Variants in CD226 observed in about 807,000 individuals in gnomAD.
CD226 encodes CD226 antigen.
CD226 carries 24 observed loss-of-function variants against 34.9 expected under a neutral mutation model. The ratio of observed to expected loss-of-function variants is 0.69; its 90% CI spans 0.50 to 0.97. The LOEUF (loss-of-function observed/expected upper bound fraction) is 0.97, where lower values mean the gene tolerates loss of function less well. Among genes scored for constraint, CD226 ranks in the 50% least tolerant of loss-of-function variants. The probability of loss-of-function intolerance (pLI) is 0.00; values close to 1 mark genes in which losing one functional copy is unlikely to be tolerated. For synonymous variants in CD226, 148 were observed against 147.4 expected (o/e 1.00, Z -0.03); for missense variants, 397 against 412.7 (o/e 0.96, Z 0.33).
intron 2 of CD226, among the ~76,000 whole-genome samples, chr18:69,929,561 G>A (rs1370593119): frequency 2.0e-5 from 3 of 152,024 alleles, no homozygotes; most frequent in East Asian, 1.9e-4. Context: ...AACATTCAAC[G>A]GTTATGAATG....
chr18:69,865,169 T>C (rs904962380), intron 5 of CD226, among the ~76,000 whole-genome samples: 10 of 152,126 alleles, frequency 6.6e-5, no homozygotes, highest in Admixed American at 4.6e-4. Flanking sequence ...TTTGTATTTT[T>C]AGTAGAGATG....
chr18:69,938,854 G>C (rs1486462496), intron 2 of CD226, among the ~76,000 whole-genome samples: 2 of 152,224 alleles, frequency 1.3e-5, no homozygotes, highest in Non-Finnish European at 2.9e-5. Context: ...GGAGGCCAAG[G>C]TGGGGTGGAT....
At chr18:69,923,147 A>C (rs2055473217) in intron 2 of CD226, among the ~76,000 whole-genome samples, 1 of 151,832 alleles carries the variant, frequency 6.6e-6, no homozygotes, top group South Asian at 2.1e-4. Context: ...GTCAAAGAAG[A>C]AAGAAAGAAA....
In CD226 at chr18:69,865,164, A is replaced by G. The variant is rs535138456; in HGVS notation, c.886-725T>C. Among the ~76,000 whole-genome samples the G allele has an allele frequency of 1.9e-3, 291 of 152,148 alleles. 1 individual carries two copies. The highest frequency in any genetic ancestry group is 8.2e-4 in the Non-Finnish European group (56 of 68,000). On this transcript the variant is annotated intron_variant, in intron 5 of 5. Coordinates refer to ENST00000582621, the MANE Select transcript of CD226 (RefSeq NM_001303618.2). ...ACCATCACGCCCAGCTAATTTTTGT[A>G]TTTTTAGTAGAGATGGAGTTTCGCC...
rs150542131 is a variant in CD226 at position 69,912,702 on chromosome 18, CTTA to C, written c.383-16660_383-16658del. Among the ~76,000 whole-genome samples the C allele has an allele frequency of 7.2e-5, 11 of 152,298 alleles. No individual in the cohort carries two copies. The East Asian group carries it at 9.6e-4, about 13-fold the overall frequency. On this transcript the variant is annotated intron_variant, in intron 2 of 5. Coordinates refer to ENST00000582621, the MANE Select transcript of CD226 (RefSeq NM_001303618.2). Reference sequence around the variant, plus strand: ...AATAATAACAGCTATAGTTTGAGGACTTATTATCTGCTTGTGACTATATTCAAT... The same window carrying C: ...AATAATAACAGCTATAGTTTGAGGACTTATCTGCTTGTGACTATATTCAAT...
At chr18:69,959,740 A>G (rs1353589067), upstream of CD226, among the ~76,000 whole-genome samples, 11 of 152,236 alleles carry the variant, frequency 7.2e-5, no homozygotes, top group Non-Finnish European at 1.5e-4. Context: ...TGGAAGGTTA[A>G]TGGGGAACCC....
intron 2 of CD226, among the ~76,000 whole-genome samples, chr18:69,908,299 T>C (rs1237879813): frequency 1.3e-5 from 2 of 152,256 alleles, no homozygotes; most frequent in Non-Finnish European, 2.9e-5. Flanking sequence ...TGTTTCTTGT[T>C]ACTCCACCAT....
At chr18:69,930,753 C>T (rs1334257663) in intron 2 of CD226, among the ~76,000 whole-genome samples, 1 of 152,180 alleles carries the variant, frequency 6.6e-6, no homozygotes, top group Non-Finnish European at 1.5e-5. Flanking sequence ...GTTCTAAGCA[C>T]AAATCAGTCC....
At chr18:69,879,988 A>G (rs1452214421) in intron 3 of CD226, among the ~76,000 whole-genome samples, 1 of 152,210 alleles carries the variant, frequency 6.6e-6, no homozygotes, top group Non-Finnish European at 1.5e-5. Flanking sequence ...AGTCATGATC[A>G]TGTCACCATA....
In CD226 at chr18:69,860,653, C is replaced by G. The variant is rs957629459; in HGVS notation, c.*3661G>C. 1 of 152,070 alleles carries G rather than the reference C, an allele frequency of 6.6e-6. No homozygotes were observed. The highest frequency in any genetic ancestry group is 1.9e-4 in the East Asian group (1 of 5,198). 9.4% of individuals were successfully genotyped at this position (152,070 alleles called of 1,614,324 possible). On this transcript the variant is annotated 3_prime_UTR_variant, in exon 6 of 6. Transcript: ENST00000582621. ...GATACATGTTTTAAGAGCCCAGAGT[C>G]TTGGCTGGAAGAACTCTAATGAACA...
rs538090349 is a variant in CD226 at position 69,867,459 on chromosome 18, C to T, written c.831-48G>A. On this transcript the variant is annotated intron_variant, in intron 4 of 5. Transcript: ENST00000582621. ...GATATAAAGATATGATATTCCAGTACTAATATTATTTCGAAGACTCTATAC... is the reference window on the plus strand; with the variant it reads ...GATATAAAGATATGATATTCCAGTATTAATATTATTTCGAAGACTCTATAC... 121 of 1,213,246 alleles carry T rather than the reference C, an allele frequency of 1.0e-4. 3 individuals carry two copies. The South Asian group carries it at 1.3e-3, about 13-fold the overall frequency. The allele number at this position is 1,213,246 out of a possible 1,614,324, so 75.2% of individuals were successfully genotyped here. A position where few individuals can be genotyped will look rare whatever the true frequency, so the allele number is the denominator to read the frequency against.
In CD226 at chr18:69,859,878, G is replaced by A. The variant is rs1982727461; in HGVS notation, c.*4436C>T. 1 of 152,170 alleles carries A rather than the reference G, an allele frequency of 6.6e-6. No individual in the cohort carries two copies. The highest frequency in any genetic ancestry group is 2.4e-5 in the African/African-American group (1 of 41,502). The allele number at this position is 152,170 out of a possible 1,614,324, so 9.4% of individuals were successfully genotyped here. On this transcript the variant is annotated 3_prime_UTR_variant, in exon 6 of 6. Coordinates refer to ENST00000582621, the MANE Select transcript of CD226 (RefSeq NM_001303618.2). ...ACCTGAGGTCCAGAGTTCAAGACAA[G>A]TCTGACCAACGTGGAGAAACCCCGT...
At chr18:69,889,801 G>A (rs1039939106) in intron 3 of CD226, among the ~76,000 whole-genome samples, 4 of 152,014 alleles carry the variant, frequency 2.6e-5, no homozygotes, top group Non-Finnish European at 4.4e-5. Flanking sequence ...ACCTCACATC[G>A]TCCCAGAGGA....
At chr18:69,903,730 C>T (rs2055215803) in intron 2 of CD226, among the ~76,000 whole-genome samples, 1 of 152,022 alleles carries the variant, frequency 6.6e-6, no homozygotes, top group Non-Finnish European at 1.5e-5. Flanking sequence ...CCAAGGAAGG[C>T]CAAAGATTGC....
Position 69,855,005 on chromosome 18 carries a change from T to C in CD226, c.*9309A>G, listed in dbSNP as rs549088403. 12 of 152,330 alleles carry C rather than the reference T, an allele frequency of 7.9e-5. No individual in the cohort carries two copies. In the East Asian group the frequency reaches 2.3e-3, roughly 29 times the overall value. The allele number at this position is 152,330 out of a possible 1,614,324, so 9.4% of individuals were successfully genotyped here. A position where few individuals can be genotyped will look rare whatever the true frequency, so the allele number is the denominator to read the frequency against. The stretch of plus-strand genomic sequence containing the variant: ...TGAAGAAATTTAGCACCTATGGTTA[T>C]AACAGACTTTAAACACAGTCTAATA... On this transcript the variant is annotated 3_prime_UTR_variant, in exon 6 of 6. Transcript: ENST00000582621.
intron 2 of CD226, among the ~76,000 whole-genome samples, chr18:69,924,485 A>G (rs1163108907): frequency 6.6e-6 from 1 of 151,776 alleles, no homozygotes; most frequent in Non-Finnish European, 1.5e-5. Flanking sequence ...AAATGCAAAT[A>G]TTCTGGTTAA....
chr18:69,896,343 G>A (rs1286314564), intron 2 of CD226, among the ~76,000 whole-genome samples: 1 of 151,848 alleles, frequency 6.6e-6, no homozygotes, highest in African/African-American at 2.4e-5. Context: ...CACCGCGCCC[G>A]GCTAATTTTT....
At chr18:69,958,806 C>T (rs907064384), upstream of CD226, among the ~76,000 whole-genome samples, 4 of 151,836 alleles carry the variant, frequency 2.6e-5, no homozygotes, top group East Asian at 7.7e-4. Flanking sequence ...CACACACACA[C>T]ACACACACAC....
At chr18:69,949,579 TCACA>T (rs368025355), upstream of CD226, among the ~76,000 whole-genome samples, 7 of 149,740 alleles carry the variant, frequency 4.7e-5, no homozygotes, top group Admixed American at 3.3e-4. Context: ...CTGTGTCCCT[TCACA>T]CACACACACA....
Sources: gnomAD v4.1 joint callset for allele counts (sites outside exome capture counted in the v4.1 genomes callset) on GRCh38, gnomAD v4.1.1 for gene constraint, MANE v1.5 for transcripts, NCBI Gene and HGNC (gene_info 2026-07-23, HGNC 2026-07-21) for gene names.